Variants in SIPA1L3 observed in about 807,000 individuals in gnomAD.
SIPA1L3 encodes signal-induced proliferation-associated 1-like protein 3.
A neutral mutation model predicts 150.1 loss-of-function variants in SIPA1L3; 59 were observed. The ratio of observed to expected loss-of-function variants is 0.39; its 90% CI spans 0.32 to 0.49. The LOEUF is 0.49. Among genes scored for constraint, SIPA1L3 ranks in the 20% least tolerant of loss-of-function variants. The pLI is 0.86. For synonymous variants in SIPA1L3, 1,070 were observed against 1,077.6 expected (o/e 0.99, Z 0.14); for missense variants, 2,211 against 2,489.5 (o/e 0.89, Z 2.38).
At chr19:38,041,273 A>ATTTTTT (rs35807588) in intron 2 of SIPA1L3, among the ~76,000 whole-genome samples, 2 of 72,518 alleles carry the variant, frequency 2.8e-5, no homozygotes, top group Non-Finnish European at 4.8e-5. Flanking sequence ...CGCTCAGCTA[A>ATTTTTT]TTTTTTTTTT....
intron 1 of SIPA1L3, among the ~76,000 whole-genome samples, chr19:37,990,960 C>T (rs944374890): frequency 3.9e-5 from 6 of 152,156 alleles, no homozygotes; most frequent in Admixed American, 1.3e-4. Context: ...GGGCCAGGCA[C>T]GGTGGCTCAC....
At chr19:38,151,961 C>CAAAAAAAA (rs35851181) in intron 12 of SIPA1L3, among the ~76,000 whole-genome samples, 1 of 86,122 alleles carries the variant, frequency 1.2e-5, no homozygotes, top group African/African-American at 5.1e-5. Flanking sequence ...GACCCCATCT[C>CAAAAAAAA]AAAAAAAAAA....
chr19:38,129,453 G>A (rs1002247135), intron 9 of SIPA1L3, among the ~76,000 whole-genome samples: 2 of 151,458 alleles, frequency 1.3e-5, no homozygotes, highest in African/African-American at 4.9e-5. Context: ...GTGAAACCCC[G>A]TCTCTACTAA....
chr19:38,139,273 G>A (rs923406718), intron 10 of SIPA1L3, among the ~76,000 whole-genome samples: 2 of 152,194 alleles, frequency 1.3e-5, no homozygotes, highest in Non-Finnish European at 2.9e-5. Flanking sequence ...GCTAGTCATC[G>A]TGTCAGGGTG....
chr19:38,188,204 G>GTGA (rs1171510702), intron 16 of SIPA1L3, among the ~76,000 whole-genome samples: 1 of 151,530 alleles, frequency 6.6e-6, no homozygotes, highest in Non-Finnish European at 1.5e-5. Flanking sequence ...GGTGGTGGTG[G>GTGA]TGACAGGGTT....
At chr19:37,907,842 G>A (rs756180111) in intron 1 of SIPA1L3, 8 of 152,258 alleles carry the variant, frequency 5.3e-5, no homozygotes, top group Admixed American at 5.2e-4. Context: ...CATGTAAAGA[G>A]GTGAGTCCTT....
At chr19:37,984,371 G>A (rs1568488976) in intron 1 of SIPA1L3, among the ~76,000 whole-genome samples, 1 of 152,226 alleles carries the variant, frequency 6.6e-6, no homozygotes, top group Non-Finnish European at 1.5e-5. Context: ...AGGAGTGGTG[G>A]GGAGGCAATA....
intron 1 of SIPA1L3, among the ~76,000 whole-genome samples, chr19:38,006,456 TG>T (rs1967941056): frequency 6.6e-6 from 1 of 152,166 alleles, no homozygotes; most frequent in African/African-American, 2.4e-5. Context: ...CTTTGAATAT[TG>T]GCATGAGAAT....
At chr19:38,197,128 C>A (rs1220988180) in intron 18 of SIPA1L3, among the ~76,000 whole-genome samples, 2 of 152,144 alleles carry the variant, frequency 1.3e-5, no homozygotes, top group African/African-American at 4.8e-5. Flanking sequence ...ATGTCACCCC[C>A]CGCCTCCGCC....
intron 1 of SIPA1L3, among the ~76,000 whole-genome samples, chr19:38,004,500 A>T (rs1967888372): frequency 6.6e-6 from 1 of 152,132 alleles, no homozygotes; most frequent in South Asian, 2.1e-4. Flanking sequence ...CTGTCTCTTT[A>T]TTGTTCCCTC....
intron 1 of SIPA1L3, among the ~76,000 whole-genome samples, chr19:37,946,704 C>A (rs1033797921): frequency 6.6e-6 from 1 of 151,836 alleles, no homozygotes; most frequent in African/African-American, 2.4e-5. Flanking sequence ...TTTTGTTAAA[C>A]ATTCAGAGGC....
intron 2 of SIPA1L3, among the ~76,000 whole-genome samples, chr19:38,074,448 C>CCCCG (rs1969794706): frequency 6.6e-6 from 1 of 152,228 alleles, no homozygotes; most frequent in African/African-American, 2.4e-5. Context: ...CTAATCCTCC[C>CCCCG]TCCGCACTCT....
At chr19:38,139,952 G>T (rs1401899545) in intron 10 of SIPA1L3, among the ~76,000 whole-genome samples, 1 of 152,130 alleles carries the variant, frequency 6.6e-6, no homozygotes, top group African/African-American at 2.4e-5. Flanking sequence ...ATTCATGAGG[G>T]CTCTGCCCTA....
chr19:38,106,631 CA>C lies in SIPA1L3; in HGVS notation c.2125del (p.Arg709GlyfsTer10). ...STLLPYTPNN[R>X]QQLLRKRHIG... Reference sequence around the variant, plus strand: ...CCCTGCTCCCTTACACCCCCAACAACAGGCAGCAGGTCAGTGATTTTCAGCA... The same window carrying C: ...CCCTGCTCCCTTACACCCCCAACAACGGCAGCAGGTCAGTGATTTTCAGCA... On this transcript the variant is annotated frameshift_variant, in exon 7 of 22. Coordinates refer to ENST00000222345, the MANE Select transcript of SIPA1L3 (RefSeq NM_015073.3). LOFTEE classifies it high-confidence loss of function. The C allele has an allele frequency of 6.2e-7, 1 of 1,610,468 alleles. No homozygotes were observed. Among genetic ancestry groups the C allele is most frequent in the East Asian group, 2.2e-5 (1 of 44,858 alleles).
chr19:38,172,632 A>G (rs1972352582), intron 15 of SIPA1L3, among the ~76,000 whole-genome samples: 1 of 152,162 alleles, frequency 6.6e-6, no homozygotes, highest in Admixed American at 6.5e-5. Context: ...AGAAATGGTC[A>G]GGTGGCCAGA....
chr19:38,179,529 C>T (rs1042717726), intron 15 of SIPA1L3, among the ~76,000 whole-genome samples: 2 of 152,122 alleles, frequency 1.3e-5, no homozygotes, highest in African/African-American at 2.4e-5. Flanking sequence ...TTATAATGTG[C>T]GTCTATCACT....
At chr19:38,011,455 A>G (rs1380187396) in intron 1 of SIPA1L3, among the ~76,000 whole-genome samples, 1 of 152,168 alleles carries the variant, frequency 6.6e-6, no homozygotes, top group Admixed American at 6.5e-5. Context: ...CAGCCCGAAC[A>G]GTGGAGTGAG....
chr19:38,041,195 C>G (rs1414266939), intron 2 of SIPA1L3, among the ~76,000 whole-genome samples: 1 of 148,994 alleles, frequency 6.7e-6, no homozygotes, highest in Admixed American at 6.7e-5. Context: ...CAACCTCCAT[C>G]TCCAAAGTTC....
chr19:38,196,265 G>A (rs889061714), intron 18 of SIPA1L3, among the ~76,000 whole-genome samples: 9 of 152,214 alleles, frequency 5.9e-5, no homozygotes, highest in African/African-American at 1.9e-4. Flanking sequence ...CCCACCAGCT[G>A]AGCAGTGAGA....
Sources: allele counts gnomAD v4.1 joint callset (sites outside exome capture counted in the v4.1 genomes callset), GRCh38; gene constraint gnomAD v4.1.1; transcripts MANE v1.5; gene names NCBI Gene and HGNC (gene_info 2026-07-23, HGNC 2026-07-21).